Variants in MDGA2 observed in about 807,000 individuals in gnomAD.
MDGA2 encodes the protein MAM domain-containing glycosylphosphatidylinositol anchor protein 2.
Under a neutral mutation model 117.8 loss-of-function variants are expected in MDGA2, and 40 were observed. The ratio of observed to expected loss-of-function variants is 0.34; its 90% confidence interval spans 0.26 to 0.44. The LOEUF (loss-of-function observed/expected upper bound fraction) is 0.44, where lower values mean the gene tolerates loss of function less well. Among genes scored for constraint, MDGA2 ranks in the 20% least tolerant of loss-of-function variants. The pLI is 1.00. For synonymous variants in MDGA2, 452 were observed against 439.0 expected (o/e 1.03, Z -0.37); for missense variants, 1,123 against 1,250.6 (o/e 0.90, Z 1.54).
At chr14:47,656,883 A>T (rs1897754672) in intron 1 of MDGA2, among the ~76,000 whole-genome samples, 1 of 152,152 alleles carries the variant, frequency 6.6e-6, no homozygotes, top group Non-Finnish European at 1.5e-5. Context: ...ACCTGGGTGG[A>T]CCTTTGTCTC....
At chr14:47,054,080 A>T (rs900750438) in intron 7 of MDGA2, among the ~76,000 whole-genome samples, 2 of 152,024 alleles carry the variant, frequency 1.3e-5, no homozygotes, top group South Asian at 4.1e-4. Context: ...CTGCCCTTTT[A>T]TGAGAGAGAT....
intron 1 of MDGA2, among the ~76,000 whole-genome samples, chr14:47,493,479 G>A (rs1894215556): frequency 6.6e-6 from 1 of 151,582 alleles, no homozygotes. Context: ...TACTGCCTGG[G>A]CTGAGTTTTG....
chr14:47,399,968 T>C (rs1227708216), intron 1 of MDGA2, among the ~76,000 whole-genome samples: 4 of 152,222 alleles, frequency 2.6e-5, no homozygotes, highest in Middle Eastern at 3.4e-3. Flanking sequence ...AAGGCTTACA[T>C]ATGGTATAAG....
intron 1 of MDGA2, among the ~76,000 whole-genome samples, chr14:47,466,502 A>G (rs1414474394): frequency 6.6e-6 from 1 of 152,102 alleles, no homozygotes; most frequent in African/African-American, 2.4e-5. Context: ...ATCCTCAAGA[A>G]ACAGAGAAGA....
intron 1 of MDGA2, among the ~76,000 whole-genome samples, chr14:47,559,822 C>T (rs1175307399): frequency 1.3e-5 from 2 of 152,132 alleles, no homozygotes; most frequent in Non-Finnish European, 2.9e-5. Flanking sequence ...ATCCACCCGC[C>T]TAGGCCTCCC....
At chr14:47,155,374 G>T (rs1311401100) in intron 3 of MDGA2, among the ~76,000 whole-genome samples, 1 of 151,988 alleles carries the variant, frequency 6.6e-6, no homozygotes, top group Non-Finnish European at 1.5e-5. Context: ...AGAGAAGACA[G>T]AAACAGAGAA....
At chr14:47,197,828 G>C (rs559113328) in intron 3 of MDGA2, among the ~76,000 whole-genome samples, 1 of 152,260 alleles carries the variant, frequency 6.6e-6, no homozygotes, top group South Asian at 2.1e-4. Flanking sequence ...AGAATCATGT[G>C]AACCTGGGAT....
intron 1 of MDGA2, among the ~76,000 whole-genome samples, chr14:47,500,090 C>A (rs1400229989): frequency 6.6e-6 from 1 of 152,160 alleles, no homozygotes; most frequent in African/African-American, 2.4e-5. Flanking sequence ...ATAAAGTATA[C>A]TTGAAAACAT....
chr14:47,627,287 AG>A (rs1197034777), intron 1 of MDGA2, among the ~76,000 whole-genome samples: 1 of 152,086 alleles, frequency 6.6e-6, no homozygotes, highest in African/African-American at 2.4e-5. Flanking sequence ...TGTCTAGCTA[AG>A]GGATTGTGAA....
chr14:47,319,923 G>A (rs957975300), intron 1 of MDGA2, among the ~76,000 whole-genome samples: 1 of 152,130 alleles, frequency 6.6e-6, no homozygotes, highest in African/African-American at 2.4e-5. Context: ...TCTTTAGAGT[G>A]GGCCCTAATA....
intron 9 of MDGA2, among the ~76,000 whole-genome samples, chr14:46,940,516 T>G (rs1884958032): frequency 6.6e-6 from 1 of 151,578 alleles, no homozygotes; most frequent in Non-Finnish European, 1.5e-5. Context: ...TAATCCCAGC[T>G]ACTCAGGAGG....
At chr14:47,490,152 G>A (rs2138651581) in intron 1 of MDGA2, among the ~76,000 whole-genome samples, 1 of 152,110 alleles carries the variant, frequency 6.6e-6, no homozygotes, top group South Asian at 2.1e-4. Context: ...CAGCCTTTTT[G>A]CTAATAAACT....
intron 10 of MDGA2, among the ~76,000 whole-genome samples, chr14:46,886,221 A>G (rs962534508): frequency 6.6e-6 from 1 of 152,168 alleles, no homozygotes; most frequent in South Asian, 2.1e-4. Flanking sequence ...GGAAACAAGT[A>G]TATTCATCGC....
At position 47,470,302 on chromosome 14, in the gene MDGA2, T is replaced by C. The variant is rs150628242; in HGVS notation, c.281-168752A>G. ...CATGAGAGGCCCCACTGTGTGATGT[T>C]CCCTTCCTTATGTCCATGTGTTCTC... is the stretch of plus-strand genomic sequence containing the variant. On this transcript the variant is annotated intron_variant, in intron 1 of 16. Coordinates refer to ENST00000399232, the MANE Select transcript of MDGA2 (RefSeq NM_001113498.3). Among the ~76,000 whole-genome samples, 384 of 142,150 alleles carry C rather than the reference T, an allele frequency of 2.7e-3. 1 individual carries two copies. The highest frequency in any genetic ancestry group is 9.6e-3 in the African/African-American group (364 of 37,738). 93.3% of individuals were successfully genotyped at this position (142,150 alleles called of 152,430 possible). A position where few individuals can be genotyped will look rare whatever the true frequency, so the allele number is the denominator to read the frequency against.
intron 2 of MDGA2, among the ~76,000 whole-genome samples, chr14:47,298,791 TC>T (rs1340295112): frequency 6.6e-6 from 1 of 151,228 alleles, no homozygotes. Flanking sequence ...TTCACGCCAT[TC>T]TCCTGCCTCA....
At chr14:47,526,032 C>G (rs1239144988) in intron 1 of MDGA2, among the ~76,000 whole-genome samples, 1 of 152,024 alleles carries the variant, frequency 6.6e-6, no homozygotes, top group Non-Finnish European at 1.5e-5. Flanking sequence ...TTCACTAACC[C>G]TCTCCTTTGA....
At chr14:47,343,241 C>G (rs375377211) in intron 1 of MDGA2, 2 of 1,136,984 alleles carry the variant, frequency 1.8e-6, no homozygotes, top group Non-Finnish European at 2.2e-6. Context: ...TTTTCAGGAA[C>G]GATTATCGAA....
chr14:47,179,400 CA>C (rs2139363266), intron 3 of MDGA2, among the ~76,000 whole-genome samples: 2 of 152,098 alleles, frequency 1.3e-5, no homozygotes, highest in African/African-American at 4.8e-5. Flanking sequence ...CAAACATCCT[CA>C]TTTTTTTCAT....
chr14:47,214,629 G>C (rs910604103), intron 3 of MDGA2, among the ~76,000 whole-genome samples: 1 of 151,960 alleles, frequency 6.6e-6, no homozygotes, highest in Admixed American at 6.6e-5. Flanking sequence ...TGTTAATATA[G>C]ATATTACAAA....
Sources: gnomAD v4.1 joint callset for allele counts (sites outside exome capture counted in the v4.1 genomes callset) on GRCh38, gnomAD v4.1.1 for gene constraint, MANE v1.5 for transcripts, NCBI Gene and HGNC (gene_info 2026-07-23, HGNC 2026-07-21) for gene names.